Variants in CTNNB1 observed in about 807,000 individuals in gnomAD.
CTNNB1 encodes catenin beta 1.
A neutral mutation model predicts 82.5 loss-of-function variants in CTNNB1; 6 were observed. That is an observed-to-expected ratio of 0.07 (90% CI 0.04 to 0.14). The LOEUF is 0.14. Ranked by LOEUF, CTNNB1 falls within the 10% of genes least tolerant of loss-of-function variation. The probability of loss-of-function intolerance (pLI) is 1.00; values close to 1 mark genes in which losing one functional copy is unlikely to be tolerated. For missense variants in CTNNB1, 529 were observed against 980.4 expected, an observed-to-expected ratio of 0.54 and a Z score of 6.15; for synonymous variants, 312 against 329.7, an observed-to-expected ratio of 0.95 and a Z score of 0.58.
chr3:41,202,658 A>G (rs1380182776), intron 1 of CTNNB1, among the ~76,000 whole-genome samples: 3 of 152,164 alleles, frequency 2.0e-5, no homozygotes, highest in African/African-American at 7.2e-5. Flanking sequence ...TCCTTCTCTA[A>G]CAGACTATTT....
chr3:41,204,126 G>A (rs2077594565), intron 1 of CTNNB1, among the ~76,000 whole-genome samples: 1 of 151,534 alleles, frequency 6.6e-6, no homozygotes, highest in African/African-American at 2.4e-5. Context: ...AATGCCTCAA[G>A]TGCTTTATGT....
In CTNNB1 at chr3:41,217,724, A is replaced by G. The variant is rs537114023; in HGVS notation, c.-48-6297A>G. On this transcript the variant is annotated intron_variant, in intron 1 of 14. Transcript: ENST00000349496. ...GCAGTAGATATTATCAATCTTTTCA[A>G]TCTTTGCCAATCTGATAAGCAAAAA... is the stretch of plus-strand genomic sequence containing the variant. 7.9e-5 allele frequency among the ~76,000 whole-genome samples: 12 copies of G among 152,312 alleles called. No homozygotes were observed. In the East Asian group the frequency reaches 9.6e-4, roughly 12 times the overall value.
At chr3:41,201,007 C>T (rs2077517119) in intron 1 of CTNNB1, among the ~76,000 whole-genome samples, 1 of 152,154 alleles carries the variant, frequency 6.6e-6, no homozygotes, top group South Asian at 2.1e-4. Context: ...ATAATGGTGG[C>T]TTAGGCTAGA....
rs529083869 is a variant in CTNNB1 at position 41,224,909 on chromosome 3, A to G, written c.242-45A>G. 3.3e-5 allele frequency: 53 copies of G among 1,613,946 alleles called. No homozygotes were observed. In the African/African-American group the frequency reaches 6.4e-4, roughly 19 times the overall value. On this transcript the variant is annotated intron_variant, in intron 3 of 14. Transcript: ENST00000349496. ...CATTTAGGATAGCAAATACTTAGGT[A>G]AATGCTGAACTGTGGATAGTGAGTG...
intron 1 of CTNNB1, among the ~76,000 whole-genome samples, chr3:41,213,247 G>A (rs1487506817): frequency 6.6e-6 from 1 of 152,250 alleles, no homozygotes; most frequent in South Asian, 2.1e-4. Flanking sequence ...TTAGGTTTTT[G>A]TGTGTTATTT....
intron 1 of CTNNB1, among the ~76,000 whole-genome samples, chr3:41,215,382 C>CA (rs35166040): frequency 0.55 from 27,178 of 48,992 alleles, 7,804 homozygotes; most frequent in East Asian, 0.69. Flanking sequence ...AACACCATCT[C>CA]AAAAAAAAAA....
intron 1 of CTNNB1, among the ~76,000 whole-genome samples, chr3:41,200,534 C>A (rs897433056): frequency 6.6e-6 from 1 of 152,176 alleles, no homozygotes; most frequent in Admixed American, 6.5e-5. Context: ...CTGACTCAGA[C>A]CGCTTCGAGA....
chr3:41,227,484 T>G, intron 7 of CTNNB1, 132 bp downstream of exon 7: 2 of 920,254 alleles, frequency 2.2e-6, no homozygotes, highest in East Asian at 2.6e-5. Context: ...CAGCCAAGAT[T>G]TACATTCAGA....
intron 1 of CTNNB1, among the ~76,000 whole-genome samples, chr3:41,206,943 CGT>C (rs2077662200): frequency 6.6e-6 from 1 of 152,192 alleles, no homozygotes; most frequent in South Asian, 2.1e-4. Flanking sequence ...ATTTAGGAAA[CGT>C]AATACACTGA....
In CTNNB1 at chr3:41,225,221, T is replaced by G. The variant is rs776682401; in HGVS notation, c.495+14T>G. ...GACGAGGACCAGGTAAGCAATGACA[T>G]AGCTAGCTTTTTAGTCTGCTTTGAA... is the stretch of plus-strand genomic sequence containing the variant. On this transcript the variant is annotated intron_variant, in intron 4 of 14. Coordinates refer to ENST00000349496, the MANE Select transcript of CTNNB1 (RefSeq NM_001904.4). The surrounding 1 kb of genome is among the most constrained non-coding windows in gnomAD (Gnocchi z 5.3). 1 of 1,614,046 alleles carries G rather than the reference T, an allele frequency of 6.2e-7. No homozygotes were observed. The highest frequency in any genetic ancestry group is 2.2e-5 in the East Asian group (1 of 44,892).
chr3:41,222,965 C>A (rs5743387), intron 1 of CTNNB1, among the ~76,000 whole-genome samples: 9 of 152,176 alleles, frequency 5.9e-5, no homozygotes, highest in African/African-American at 1.9e-4. Context: ...GGTGTTGGCT[C>A]ACATCTGAGA....
At chr3:41,203,502 A>G (rs907419810) in intron 1 of CTNNB1, among the ~76,000 whole-genome samples, 8 of 152,230 alleles carry the variant, frequency 5.3e-5, no homozygotes, top group African/African-American at 1.9e-4. Context: ...AGTTATATTG[A>G]TGAATTACAG....
intron 1 of CTNNB1, among the ~76,000 whole-genome samples, chr3:41,215,986 C>T (rs1389049012): frequency 6.6e-6 from 1 of 152,060 alleles, no homozygotes; most frequent in East Asian, 1.9e-4. Flanking sequence ...CATTTATCTG[C>T]AACACTGACT....
chr3:41,223,710 C>T (rs1450506305), intron 1 of CTNNB1, among the ~76,000 whole-genome samples: 1 of 152,042 alleles, frequency 6.6e-6, no homozygotes, highest in Non-Finnish European at 1.5e-5. Context: ...TAGTGTTTTC[C>T]CCTCCCTGGC....
intron 1 of CTNNB1, among the ~76,000 whole-genome samples, chr3:41,207,027 A>C (rs1411388879): frequency 6.6e-6 from 1 of 152,216 alleles, no homozygotes; most frequent in Non-Finnish European, 1.5e-5. Flanking sequence ...TTTATTGTTT[A>C]GTTTTCAAGC....
chr3:41,219,818 G>A (rs1559464318), intron 1 of CTNNB1, among the ~76,000 whole-genome samples: 1 of 152,144 alleles, frequency 6.6e-6, no homozygotes, highest in Non-Finnish European at 1.5e-5. Context: ...GGGAAATTAA[G>A]AGAATTATTT....
At chr3:41,208,812 T>TA (rs2077710040) in intron 1 of CTNNB1, among the ~76,000 whole-genome samples, 1 of 152,150 alleles carries the variant, frequency 6.6e-6, no homozygotes, top group Non-Finnish European at 1.5e-5. Flanking sequence ...ATTACTGTGG[T>TA]ATCTCTCTTT....
chr3:41,225,327 A>T lies in CTNNB1; in HGVS notation c.496-7A>T, dbSNP rs754070358. On this transcript the variant is annotated splice_polypyrimidine_tract_variant and splice_region_variant and intron_variant, in intron 4 of 14. Transcript: ENST00000349496. This position sits in a 1 kb window ranked among gnomAD's most constrained non-coding sequence, Gnocchi z 5.3. ...ACTAACGATGTTTCTGAATTCCTGTATTACAGGTGGTGGTTAATAAGGCTG... is the reference window on the plus strand; with the variant it reads ...ACTAACGATGTTTCTGAATTCCTGTTTTACAGGTGGTGGTTAATAAGGCTG... The T allele has an allele frequency of 2.7e-5, 43 of 1,613,930 alleles. No individual in the cohort carries two copies. The highest frequency in any genetic ancestry group is 3.2e-5 in the Non-Finnish European group (38 of 1,179,956).
rs1279323123 is a variant in CTNNB1, at chr3:41,239,897, T to TGGAATTTAG, written c.*555_*556insGGAATTTAG. 4.7e-6 allele frequency: 1 copy of TGGAATTTAG among 211,314 alleles called. No individual in the cohort carries two copies. The highest frequency in any genetic ancestry group is 9.4e-6 in the Non-Finnish European group (1 of 106,070). 13.1% of individuals were successfully genotyped at this position (211,314 alleles called of 1,614,324 possible). A position where few individuals can be genotyped will look rare whatever the true frequency, so the allele number is the denominator to read the frequency against. On this transcript the variant is annotated 3_prime_UTR_variant, in exon 15 of 15. Coordinates refer to ENST00000349496, the MANE Select transcript of CTNNB1 (RefSeq NM_001904.4). The stretch of plus-strand genomic sequence containing the variant: ...AGAATGGATCACAAGATGGAATTTA[T>TGGAATTTAG]CAAACCCTAGCCTTGCTTGTTAAAT...
Sources: allele counts gnomAD v4.1 joint callset (sites outside exome capture counted in the v4.1 genomes callset), GRCh38; gene constraint gnomAD v4.1.1; non-coding constraint Gnocchi (gnomAD v3.1); transcripts MANE v1.5; gene names NCBI Gene and HGNC (gene_info 2026-07-23, HGNC 2026-07-21).